Variants in CDH18 observed in about 807,000 individuals in gnomAD.
CDH18 encodes the protein cadherin 18.
A neutral mutation model predicts 67.9 loss-of-function variants in CDH18; 31 were observed. The ratio of observed to expected loss-of-function variants is 0.46; its 90% CI spans 0.34 to 0.62. The LOEUF (loss-of-function observed/expected upper bound fraction) is 0.62. CDH18 is among the 20% of genes least tolerant of loss of function. The pLI is 0.01. For missense variants in CDH18, 890 were observed against 975.5 expected (o/e 0.91, Z 1.17); for synonymous variants, 362 against 347.2 (o/e 1.04, Z -0.48).
At chr5:20,297,940 C>T (rs1747666369) in intron 1 of CDH18, among the ~76,000 whole-genome samples, 1 of 152,168 alleles carries the variant, frequency 6.6e-6, no homozygotes, top group South Asian at 2.1e-4. Flanking sequence ...TGCTACTTGA[C>T]AATACCTGTA....
intron 1 of CDH18, among the ~76,000 whole-genome samples, chr5:20,556,404 A>G (rs1037277401): frequency 1.3e-5 from 2 of 152,152 alleles, no homozygotes; most frequent in Non-Finnish European, 2.9e-5. Context: ...GGTCAAAGAT[A>G]TGGGTCAATC....
chr5:19,744,728 G>C (rs1437522515), intron 4 of CDH18, among the ~76,000 whole-genome samples: 3 of 152,238 alleles, frequency 2.0e-5, no homozygotes, highest in South Asian at 2.1e-4. Flanking sequence ...TGGGGCTTCA[G>C]TGTTTTCTCT....
chr5:19,501,207 A>T (rs1743177665), intron 11 of CDH18, among the ~76,000 whole-genome samples: 1 of 148,058 alleles, frequency 6.8e-6, no homozygotes, highest in African/African-American at 2.5e-5. Context: ...ATATATAAAC[A>T]TATATATAAT....
intron 1 of CDH18, among the ~76,000 whole-genome samples, chr5:20,486,102 A>G (rs1290238856): frequency 6.6e-6 from 1 of 152,208 alleles, no homozygotes; most frequent in East Asian, 1.9e-4. Flanking sequence ...TCTGCAATCC[A>G]TAGGATGTGC....
chr5:19,713,382 CTGTT>C (rs1432091502), intron 5 of CDH18, among the ~76,000 whole-genome samples: 1 of 152,074 alleles, frequency 6.6e-6, no homozygotes, highest in Non-Finnish European at 1.5e-5. Context: ...TTTCCTTACT[CTGTT>C]TGCTTAACAG....
intron 8 of CDH18, among the ~76,000 whole-genome samples, chr5:19,556,412 G>A (rs399546): frequency 0.056 from 8,592 of 152,112 alleles, 262 homozygotes; most frequent in African/African-American, 0.076. Context: ...CCAGTGAATA[G>A]ACGGCATAAA....
chr5:20,518,248 C>T (rs754180501), intron 1 of CDH18, among the ~76,000 whole-genome samples: 2 of 152,114 alleles, frequency 1.3e-5, no homozygotes, highest in African/African-American at 4.8e-5. Context: ...TTTGCATCAG[C>T]TTCCTTCCTT....
At chr5:19,557,760 C>G (rs1041824816) in intron 8 of CDH18, among the ~76,000 whole-genome samples, 4 of 151,996 alleles carry the variant, frequency 2.6e-5, no homozygotes, top group African/African-American at 9.7e-5. Context: ...AACAAAGAAA[C>G]AATAGACTTA....
rs1054644399 is a variant in CDH18, at chr5:20,071,642, C to G, written c.-517-79628G>C. On this transcript the variant is annotated intron_variant, in intron 2 of 14. Coordinates refer to the CDH18 transcript ENST00000507958. Reference sequence around the variant, plus strand: ...ATTAATATTAAGTTAAAAATTTGAGCTATTGATAGTTATTAAACAATAGTT... The same window carrying G: ...ATTAATATTAAGTTAAAAATTTGAGGTATTGATAGTTATTAAACAATAGTT... Among the ~76,000 whole-genome samples the G allele has an allele frequency of 1.3e-4, 20 of 151,974 alleles. No individual in the cohort carries two copies. The East Asian group carries it at 3.9e-3, about 29-fold the overall frequency.
intron 1 of CDH18, among the ~76,000 whole-genome samples, chr5:20,350,785 G>A (rs1741104344): frequency 6.6e-6 from 1 of 152,096 alleles, no homozygotes; most frequent in African/African-American, 2.4e-5. Flanking sequence ...GAATAAAAGA[G>A]GAAGAGGAAG....
chr5:20,255,729 C>T (rs757200713), intron 1 of CDH18, among the ~76,000 whole-genome samples: 3 of 151,832 alleles, frequency 2.0e-5, no homozygotes, highest in African/African-American at 4.8e-5. Flanking sequence ...AGCTCCGTCA[C>T]GTGTTAGCCA....
chr5:19,581,588 A>C (rs11948202), intron 7 of CDH18, among the ~76,000 whole-genome samples: 5,691 of 152,020 alleles, frequency 0.037, 306 homozygotes, highest in African/African-American at 0.12. Flanking sequence ...CCTAACTAAT[A>C]AGAGAAGAGA....
chr5:20,100,840 G>A (rs930906708), intron 2 of CDH18, among the ~76,000 whole-genome samples: 1 of 151,986 alleles, frequency 6.6e-6, no homozygotes, highest in Non-Finnish European at 1.5e-5. Flanking sequence ...TCTATCTGTT[G>A]TTTAGTTGAT....
intron 1 of CDH18, among the ~76,000 whole-genome samples, chr5:20,465,543 T>C (rs1216124431): frequency 6.6e-6 from 1 of 152,070 alleles, no homozygotes; most frequent in East Asian, 1.9e-4. Flanking sequence ...GTATGTTAAA[T>C]AACACATATC....
At chr5:20,365,894 A>G (rs1742475660) in intron 1 of CDH18, among the ~76,000 whole-genome samples, 1 of 152,152 alleles carries the variant, frequency 6.6e-6, no homozygotes, top group Non-Finnish European at 1.5e-5. Context: ...TGCTACTTCT[A>G]TAGACAGCTT....
intron 2 of CDH18, among the ~76,000 whole-genome samples, chr5:20,091,150 A>G (rs375868792): frequency 2.0e-5 from 3 of 152,082 alleles, no homozygotes; most frequent in South Asian, 4.1e-4. Flanking sequence ...TACAAAAGTG[A>G]ATGCAAGTTG....
intron 3 of CDH18, among the ~76,000 whole-genome samples, chr5:19,761,936 C>G (rs1772414623): frequency 1.3e-5 from 2 of 152,072 alleles, no homozygotes; most frequent in Non-Finnish European, 2.9e-5. Flanking sequence ...GAAATCATAC[C>G]ACACATCTAC....
At chr5:19,730,470 T>C (rs577717458) in intron 4 of CDH18, among the ~76,000 whole-genome samples, 1 of 152,370 alleles carries the variant, frequency 6.6e-6, no homozygotes, top group South Asian at 2.1e-4. Flanking sequence ...AGATTTCAGA[T>C]TCTTTTCAGT....
intron 1 of CDH18, among the ~76,000 whole-genome samples, chr5:20,404,683 CA>C (rs536232514): frequency 2.3e-4 from 35 of 152,158 alleles, no homozygotes; most frequent in African/African-American, 7.7e-4. Flanking sequence ...CAGATCACCA[CA>C]ACATGCACAA....
Sources: allele counts gnomAD v4.1 joint callset (sites outside exome capture counted in the v4.1 genomes callset), GRCh38; gene constraint gnomAD v4.1.1; transcripts MANE v1.5; gene names NCBI Gene and HGNC (gene_info 2026-07-23, HGNC 2026-07-21).